The following RERG variants were observed in gnomAD, a reference collection of about 807,000 sequenced individuals.
The protein encoded by RERG is RAS like estrogen regulated growth inhibitor.
Under a neutral mutation model 23.2 loss-of-function variants are expected in RERG, and 25 were observed. The observed-to-expected ratio is 1.08, with a 90% CI of 0.79 to 1.50. The LOEUF (loss-of-function observed/expected upper bound fraction) is 1.50, where lower values mean the gene tolerates loss of function less well. Among genes scored for constraint, RERG ranks in the 40% most tolerant of loss-of-function variants. The probability of loss-of-function intolerance (pLI) is 0.00; values close to 1 mark genes in which losing one functional copy is unlikely to be tolerated. For synonymous variants in RERG, 81 were observed against 89.1 expected (o/e 0.91, Z 0.51); for missense variants, 253 against 250.1 (o/e 1.01, Z -0.08).
intron 2 of RERG, among the ~76,000 whole-genome samples, chr12:15,211,057 C>G (rs1376199493): frequency 6.6e-6 from 1 of 152,138 alleles, no homozygotes; most frequent in African/African-American, 2.4e-5. Context: ...TCTTTACATA[C>G]ACACATGTGT....
At chr12:15,194,549 G>T (rs943342375) in intron 2 of RERG, among the ~76,000 whole-genome samples, 4 of 150,860 alleles carry the variant, frequency 2.7e-5, no homozygotes, top group African/African-American at 4.9e-5. Context: ...TCTCTATTAT[G>T]AATGCCACAC....
At chr12:15,208,881 C>T (rs1310844186) in intron 2 of RERG, among the ~76,000 whole-genome samples, 6 of 151,886 alleles carry the variant, frequency 4.0e-5, no homozygotes, top group Non-Finnish European at 1.5e-5. Flanking sequence ...TCTGATAAGG[C>T]GTAAGTCTAA....
chr12:15,176,260 C>T (rs1295411194), intron 2 of RERG, among the ~76,000 whole-genome samples: 1 of 152,106 alleles, frequency 6.6e-6, no homozygotes, highest in East Asian at 1.9e-4. Flanking sequence ...TAGGCAATTG[C>T]ATATTGTAGT....
At chr12:15,199,226 T>C (rs1326671594) in intron 2 of RERG, among the ~76,000 whole-genome samples, 1 of 152,140 alleles carries the variant, frequency 6.6e-6, no homozygotes, top group Admixed American at 6.6e-5. Flanking sequence ...GAAGCTCAAA[T>C]TGGCAACGTG....
intron 3 of RERG, among the ~76,000 whole-genome samples, chr12:15,116,748 T>TA (rs1177269702): frequency 6.6e-6 from 1 of 152,108 alleles, no homozygotes; most frequent in African/African-American, 2.4e-5. Context: ...GAGTTAACTC[T>TA]AAAAAAATGT....
chr12:15,122,319 A>C (rs1280401090), intron 2 of RERG, among the ~76,000 whole-genome samples: 1 of 152,214 alleles, frequency 6.6e-6, no homozygotes, highest in African/African-American at 2.4e-5. Context: ...AAATAAAACT[A>C]GTTAGTGGAA....
At chr12:15,186,291 TA>T (rs1864989003) in intron 2 of RERG, among the ~76,000 whole-genome samples, 2 of 151,984 alleles carry the variant, frequency 1.3e-5, no homozygotes, top group South Asian at 4.1e-4. Context: ...TGAAATTATT[TA>T]TTTTTTTCCT....
At chr12:15,220,863 A>G (rs1865503089) in intron 1 of RERG, among the ~76,000 whole-genome samples, 1 of 152,230 alleles carries the variant, frequency 6.6e-6, no homozygotes, top group African/African-American at 2.4e-5. Flanking sequence ...GGATAATTGT[A>G]TAAGCCCCTT....
chr12:15,159,316 G>A (rs1731844077), intron 2 of RERG, among the ~76,000 whole-genome samples: 2 of 152,164 alleles, frequency 1.3e-5, no homozygotes, highest in Admixed American at 1.3e-4. Context: ...AACCACAATA[G>A]TAGTTCATGC....
chr12:15,151,727 T>C (rs921814770), intron 2 of RERG, among the ~76,000 whole-genome samples: 11 of 152,134 alleles, frequency 7.2e-5, no homozygotes, highest in Non-Finnish European at 1.2e-4. Context: ...TTGGAAAAGA[T>C]TGGACACCCC....
At chr12:15,123,921 C>T (rs1269097170) in intron 2 of RERG, among the ~76,000 whole-genome samples, 1 of 152,208 alleles carries the variant, frequency 6.6e-6, no homozygotes, top group South Asian at 2.1e-4. Context: ...CAACCCCTGC[C>T]TTTCCATTAA....
chr12:15,131,172 CA>C (rs1025498032), intron 2 of RERG, among the ~76,000 whole-genome samples: 39 of 151,990 alleles, frequency 2.6e-4, no homozygotes, highest in Admixed American at 2.2e-3. Flanking sequence ...AAAGTAAAAA[CA>C]AGAGAAAATA....
intron 2 of RERG, among the ~76,000 whole-genome samples, chr12:15,178,245 C>A (rs1376382440): frequency 6.6e-6 from 1 of 152,144 alleles, no homozygotes; most frequent in African/African-American, 2.4e-5. Context: ...TCTTCTTATT[C>A]ATTTCAACCT....
intron 2 of RERG, among the ~76,000 whole-genome samples, chr12:15,169,143 G>T (rs1864737743): frequency 6.6e-6 from 1 of 152,200 alleles, no homozygotes; most frequent in Admixed American, 6.5e-5. Flanking sequence ...ACAAGATCGA[G>T]GAGGTGAAGT....
At chr12:15,187,563 C>CTT (rs35277857) in intron 2 of RERG, among the ~76,000 whole-genome samples, 105 of 146,490 alleles carry the variant, frequency 7.2e-4, no homozygotes, top group Non-Finnish European at 1.0e-3. Context: ...CTCTGAGAAC[C>CTT]TTTTTTTTTT....
intron 2 of RERG, among the ~76,000 whole-genome samples, chr12:15,177,480 C>T (rs1864866575): frequency 6.6e-6 from 1 of 152,024 alleles, no homozygotes; most frequent in Non-Finnish European, 1.5e-5. Flanking sequence ...ACAATTCATA[C>T]AGAGCAATTC....
intron 2 of RERG, among the ~76,000 whole-genome samples, chr12:15,192,325 T>C (rs1165534416): frequency 6.6e-6 from 1 of 152,172 alleles, no homozygotes; most frequent in Non-Finnish European, 1.5e-5. Context: ...GATTCTTGTA[T>C]AGCCTATAGA....
At chr12:15,147,197 T>C (rs1864348851) in intron 2 of RERG, among the ~76,000 whole-genome samples, 1 of 152,204 alleles carries the variant, frequency 6.6e-6, no homozygotes, top group African/African-American at 2.4e-5. Context: ...CTGATAATTA[T>C]ACTGGTGACC....
chr12:15,168,078 G>A (rs971700641), intron 2 of RERG, among the ~76,000 whole-genome samples: 1 of 152,106 alleles, frequency 6.6e-6, no homozygotes, highest in African/African-American at 2.4e-5. Flanking sequence ...ACACTCAAAT[G>A]TCCAAGGCTC....
Sources: gnomAD v4.1 joint callset for allele counts (sites outside exome capture counted in the v4.1 genomes callset) on GRCh38, gnomAD v4.1.1 for gene constraint, MANE v1.5 for transcripts, NCBI Gene and HGNC (gene_info 2026-07-23, HGNC 2026-07-21) for gene names.